Variants in UBE2H observed in about 807,000 individuals in gnomAD.
UBE2H encodes ubiquitin conjugating enzyme E2 H.
Under a neutral mutation model 29.0 loss-of-function variants are expected in UBE2H, and 3 were observed. The observed-to-expected ratio is 0.10, with a 90% confidence interval of 0.05 to 0.27. The LOEUF is 0.27. Among genes scored for constraint, UBE2H ranks in the 10% least tolerant of loss-of-function variants. The pLI is 1.00. For synonymous variants in UBE2H, 69 were observed against 82.9 expected, an observed-to-expected ratio of 0.83 and a Z score of 0.91; for missense variants, 68 against 228.2, an observed-to-expected ratio of 0.30 and a Z score of 4.52.
At chr7:129,893,315 C>T (rs1806539169) in intron 1 of UBE2H, among the ~76,000 whole-genome samples, 2 of 152,134 alleles carry the variant, frequency 1.3e-5, no homozygotes, top group Non-Finnish European at 2.9e-5. Context: ...TATAACTTGG[C>T]TTTTCCCTGA....
intron 1 of UBE2H, among the ~76,000 whole-genome samples, chr7:129,920,342 CAT>C (rs1372702770): frequency 1.3e-5 from 2 of 152,020 alleles, no homozygotes; most frequent in Admixed American, 6.6e-5. Flanking sequence ...CAGAAAAACA[CAT>C]ATGTGCTCAA....
chr7:129,917,482 G>A (rs1000310649), intron 1 of UBE2H, among the ~76,000 whole-genome samples: 1 of 152,174 alleles, frequency 6.6e-6, no homozygotes, highest in South Asian at 2.1e-4. Context: ...GGTGCAGGGA[G>A]GTTGGTGGTA....
intron 1 of UBE2H, among the ~76,000 whole-genome samples, chr7:129,945,625 G>A (rs1452767464): frequency 6.6e-6 from 1 of 151,996 alleles, no homozygotes; most frequent in Non-Finnish European, 1.5e-5. Flanking sequence ...CGGGAAAACA[G>A]AAATAACCCA....
intron 1 of UBE2H, among the ~76,000 whole-genome samples, chr7:129,898,913 T>G (rs1472329094): frequency 6.6e-6 from 1 of 152,108 alleles, no homozygotes; most frequent in Non-Finnish European, 1.5e-5. Flanking sequence ...TACCATTGCT[T>G]ATGCACTTTC....
chr7:129,856,179 A>C (rs1805701560), intron 5 of UBE2H, among the ~76,000 whole-genome samples: 1 of 152,216 alleles, frequency 6.6e-6, no homozygotes, highest in Admixed American at 6.5e-5. Flanking sequence ...ATCTAGTTCA[A>C]GGATATCTGG....
chr7:129,884,592 A>ATT (rs760022598), intron 1 of UBE2H, among the ~76,000 whole-genome samples: 14 of 133,618 alleles, frequency 1.0e-4, no homozygotes, highest in East Asian at 2.2e-4. Flanking sequence ...ACGAATTACT[A>ATT]TTTTTTTTTT....
intron 1 of UBE2H, among the ~76,000 whole-genome samples, chr7:129,919,502 A>T (rs780723928): frequency 6.6e-6 from 1 of 152,136 alleles, no homozygotes; most frequent in Non-Finnish European, 1.5e-5. Context: ...ACACTCATTA[A>T]GTTTCTTGAA....
At chr7:129,874,278 T>C (rs1021556774) in intron 3 of UBE2H, among the ~76,000 whole-genome samples, 1 of 151,104 alleles carries the variant, frequency 6.6e-6, no homozygotes, top group East Asian at 1.9e-4. Context: ...TTAGTGGCTA[T>C]AAGCCCTGAA....
chr7:129,846,346 A>AAATAAT (rs71175044), intron 5 of UBE2H, among the ~76,000 whole-genome samples: 6,589 of 146,238 alleles, frequency 0.045, 159 homozygotes, highest in Non-Finnish European at 0.057. Context: ...GGTCTCTACA[A>AAATAAT]AATAATAATA....
chr7:129,868,911 T>G (rs1232638846), intron 3 of UBE2H, among the ~76,000 whole-genome samples: 1 of 148,756 alleles, frequency 6.7e-6, no homozygotes, highest in Non-Finnish European at 1.5e-5. Flanking sequence ...ACCATACTCC[T>G]GACACCCGGG....
intron 3 of UBE2H, among the ~76,000 whole-genome samples, chr7:129,864,674 C>T (rs904167428): frequency 3.3e-5 from 5 of 151,140 alleles, no homozygotes; most frequent in African/African-American, 1.2e-4. Context: ...GCCTCAGCCT[C>T]TCAAGTAGCT....
At chr7:129,898,185 A>G (rs1305908805) in intron 1 of UBE2H, among the ~76,000 whole-genome samples, 1 of 152,226 alleles carries the variant, frequency 6.6e-6, no homozygotes, top group Non-Finnish European at 1.5e-5. Context: ...TAGGTGTGCA[A>G]TGTGATACAA....
chr7:129,831,657 T>A lies in UBE2H; in HGVS notation c.*3280A>T, dbSNP rs1805229664. 6.6e-6 allele frequency: 1 copy of A among 152,158 alleles called. No homozygotes were observed. Among genetic ancestry groups the A allele is most frequent in the Non-Finnish European group, 1.5e-5 (1 of 68,042 alleles). The allele number at this position is 152,158 out of a possible 1,614,324, so 9.4% of individuals were successfully genotyped here. A position where few individuals can be genotyped will look rare whatever the true frequency, so the allele number is the denominator to read the frequency against. On this transcript the variant is annotated 3_prime_UTR_variant, in exon 7 of 7. Transcript: ENST00000355621. ...ACTCCTGATAATGACCTCACTAGGA[T>A]AAAATGCTGGTTGAAACTGCACAGT...
chr7:129,871,046 C>A (rs1806019478), intron 3 of UBE2H, among the ~76,000 whole-genome samples: 1 of 152,172 alleles, frequency 6.6e-6, no homozygotes, highest in Admixed American at 6.5e-5. Flanking sequence ...AATATCTGAT[C>A]CAAGGTACCT....
chr7:129,873,661 C>A (rs1806089318), intron 3 of UBE2H, among the ~76,000 whole-genome samples: 1 of 151,778 alleles, frequency 6.6e-6, no homozygotes, highest in Non-Finnish European at 1.5e-5. Flanking sequence ...TGGTCTCAAA[C>A]CCCTTGTCTC....
At chr7:129,896,066 C>T (rs1298704247) in intron 1 of UBE2H, among the ~76,000 whole-genome samples, 1 of 151,744 alleles carries the variant, frequency 6.6e-6, no homozygotes, top group African/African-American at 2.4e-5. Context: ...GGCTGGGCGT[C>T]GTGGCTCATG....
chr7:129,949,416 G>T (rs1329614666), intron 1 of UBE2H, among the ~76,000 whole-genome samples: 2 of 148,430 alleles, frequency 1.3e-5, no homozygotes, highest in African/African-American at 4.8e-5. Context: ...TGGGCTAACT[G>T]CAAGGTTTTT....
At chr7:129,947,002 T>C (rs1024637562) in intron 1 of UBE2H, among the ~76,000 whole-genome samples, 4 of 151,786 alleles carry the variant, frequency 2.6e-5, no homozygotes, top group African/African-American at 9.7e-5. Context: ...TAAATATATC[T>C]ATAAAATGCA....
chr7:129,951,423 G>GC (rs996411127), intron 1 of UBE2H: 2 of 150,814 alleles, frequency 1.3e-5, no homozygotes, highest in Non-Finnish European at 1.5e-5. Flanking sequence ...GCCCCCACTT[G>GC]CCCCCCTCCC....
Sources: allele counts gnomAD v4.1 joint callset (sites outside exome capture counted in the v4.1 genomes callset), GRCh38; gene constraint gnomAD v4.1.1; transcripts MANE v1.5; gene names NCBI Gene and HGNC (gene_info 2026-07-23, HGNC 2026-07-21).